GNAQ: variants seen among roughly 807,000 people sequenced by gnomAD.
GNAQ encodes the protein G protein subunit alpha q.
GNAQ carries 8 observed loss-of-function variants against 43.9 expected under a neutral mutation model. That is an observed-to-expected ratio of 0.18 (90% CI 0.11 to 0.33). GNAQ has a LOEUF of 0.33. GNAQ is among the 10% of genes least tolerant of loss of function. The pLI, the probability that GNAQ is intolerant of heterozygous loss-of-function variation, is 1.00. For missense variants in GNAQ, 158 were observed against 450.8 expected, an observed-to-expected ratio of 0.35 and a Z score of 5.88; for synonymous variants, 155 against 170.7, an observed-to-expected ratio of 0.91 and a Z score of 0.71.
chr9:77,918,143 A>C (rs1828940894), intron 2 of GNAQ, among the ~76,000 whole-genome samples: 1 of 152,176 alleles, frequency 6.6e-6, no homozygotes, highest in Non-Finnish European at 1.5e-5. Flanking sequence ...TTTCACAGCA[A>C]ACAAAACTGA....
intron 5 of GNAQ, among the ~76,000 whole-genome samples, chr9:77,773,485 G>C (rs1306614311): frequency 6.6e-6 from 1 of 152,170 alleles, no homozygotes; most frequent in Admixed American, 6.5e-5. Flanking sequence ...TTCACATTAT[G>C]AGGGAGGCAC....
chr9:77,956,021 G>A (rs560697752), intron 1 of GNAQ, among the ~76,000 whole-genome samples: 1 of 152,178 alleles, frequency 6.6e-6, no homozygotes, highest in African/African-American at 2.4e-5. Context: ...AACCCTACAT[G>A]TGAAACATTT....
At position 77,922,184 on chromosome 9, in the gene GNAQ, G is replaced by A; in HGVS notation, c.298C>T (p.Pro100Ser). The A allele has an allele frequency of 1.2e-6, 2 of 1,612,994 alleles. No individual in the cohort carries two copies. Among genetic ancestry groups the A allele is most frequent in the Non-Finnish European group, 1.7e-6 (2 of 1,179,038 alleles). The part of the protein sequence containing the change: ...MIRAMDTLKI[P>S]YKYEHNKAHA... The stretch of plus-strand genomic sequence containing the variant: ...ACCTTATTGTGCTCATACTTGTATG[G>A]GATCTTGAGTGTGTCCATGGCTCTG... The change falls in exon 2 of 7, where the codon CCA becomes TCA. Residue 100 changes from proline to serine, a missense_variant. Physicochemically the swap from Pro to Ser is moderately conservative, Grantham distance 74. Around this residue, in one of 9 missense-constraint regions of GNAQ, gnomAD observed 57 missense variants for 78.2 expected, o/e 0.73. Coordinates refer to ENST00000286548, the MANE Select transcript of GNAQ (RefSeq NM_002072.5).
intron 1 of GNAQ, among the ~76,000 whole-genome samples, chr9:78,028,871 ATAT>A (rs930785795): frequency 3.3e-5 from 5 of 151,840 alleles, no homozygotes; most frequent in African/African-American, 1.2e-4. Context: ...CATTTAGCGT[ATAT>A]TACTACAGAA....
At chr9:77,973,352 G>A (rs928349172) in intron 1 of GNAQ, among the ~76,000 whole-genome samples, 6 of 152,152 alleles carry the variant, frequency 3.9e-5, no homozygotes, top group Non-Finnish European at 5.9e-5. Context: ...ATTTTTACAC[G>A]CAGCTGGTGT....
chr9:77,814,778 T>C (rs1826985720), intron 3 of GNAQ, among the ~76,000 whole-genome samples: 1 of 152,212 alleles, frequency 6.6e-6, no homozygotes, highest in African/African-American at 2.4e-5. Context: ...CCCATTCTTC[T>C]GTCTGCCCAG....
In GNAQ at chr9:77,892,505, C is replaced by T. The variant is rs111560730; in HGVS notation, c.321+29656G>A. 5.9e-3 allele frequency among the ~76,000 whole-genome samples: 899 copies of T among 152,208 alleles called. 3 individuals are homozygous for T. Among genetic ancestry groups the T allele is most frequent in the African/African-American group, 0.02 (849 of 41,518 alleles). ...AATGCCCACTTTCATGGACAGTGTTCAGAATATATATATGATGTTCTATCT... is the reference window on the plus strand; with the variant it reads ...AATGCCCACTTTCATGGACAGTGTTTAGAATATATATATGATGTTCTATCT... On this transcript the variant is annotated intron_variant, in intron 2 of 6. Coordinates refer to ENST00000286548, the MANE Select transcript of GNAQ (RefSeq NM_002072.5).
At chr9:78,020,402 T>C (rs1187919597) in intron 1 of GNAQ, among the ~76,000 whole-genome samples, 1 of 152,190 alleles carries the variant, frequency 6.6e-6, no homozygotes, top group East Asian at 1.9e-4. Context: ...CACAGCTTCA[T>C]GAGAGTTCTA....
chr9:77,761,465 C>G (rs1170517314), intron 5 of GNAQ, among the ~76,000 whole-genome samples: 7 of 126,948 alleles, frequency 5.5e-5, no homozygotes, highest in African/African-American at 1.5e-4. Context: ...GTCAGCCCCC[C>G]GCCTGGCCAG....
At chr9:77,933,418 C>T (rs1449505567) in intron 1 of GNAQ, among the ~76,000 whole-genome samples, 1 of 152,182 alleles carries the variant, frequency 6.6e-6, no homozygotes, top group Non-Finnish European at 1.5e-5. Flanking sequence ...ATAATCCCAG[C>T]ACTTTGGGAG....
intron 5 of GNAQ, among the ~76,000 whole-genome samples, chr9:77,788,195 T>A (rs917485533): frequency 6.6e-6 from 1 of 152,242 alleles, no homozygotes; most frequent in Middle Eastern, 3.4e-3. Context: ...AGAAAACTCC[T>A]TAGGGGTTGG....
intron 3 of GNAQ, among the ~76,000 whole-genome samples, chr9:77,804,165 C>G (rs893566501): frequency 5.9e-4 from 90 of 152,094 alleles, no homozygotes; most frequent in African/African-American, 2.1e-3. Context: ...TGAATGCAAA[C>G]TGATTTTTAA....
At chr9:77,751,232 T>C (rs746068516) in intron 5 of GNAQ, among the ~76,000 whole-genome samples, 4 of 152,212 alleles carry the variant, frequency 2.6e-5, no homozygotes, top group African/African-American at 7.2e-5. Flanking sequence ...GCCTTGATTT[T>C]TGGAAGATTT....
rs370031093 is a variant in GNAQ at position 77,919,863 on chromosome 9, C to T, written c.321+2298G>A. On this transcript the variant is annotated intron_variant, in intron 2 of 6. Coordinates refer to ENST00000286548, the MANE Select transcript of GNAQ (RefSeq NM_002072.5). The stretch of plus-strand genomic sequence containing the variant: ...TACTTAATTAGAATTGACATGAGGC[C>T]GGGAGAGGTGGCTCATGCCTGTAAT... Among the ~76,000 whole-genome samples, 45 of 152,134 alleles carry T rather than the reference C, an allele frequency of 3.0e-4. No individual in the cohort carries two copies. The East Asian group carries it at 6.4e-3, about 22-fold the overall frequency.
At chr9:77,889,556 A>G (rs1828368353) in intron 2 of GNAQ, among the ~76,000 whole-genome samples, 1 of 152,004 alleles carries the variant, frequency 6.6e-6, no homozygotes. Flanking sequence ...ATTCTCAAAG[A>G]AGGATCAACT....
At chr9:77,779,623 C>A (rs1196208153) in intron 5 of GNAQ, among the ~76,000 whole-genome samples, 1 of 138,440 alleles carries the variant, frequency 7.2e-6, no homozygotes, top group Non-Finnish European at 1.5e-5. Flanking sequence ...AAAGCTGATT[C>A]TTCGAAAAGA....
intron 5 of GNAQ, among the ~76,000 whole-genome samples, chr9:77,780,346 T>C (rs539062325): frequency 6.6e-6 from 1 of 152,082 alleles, no homozygotes; most frequent in South Asian, 2.1e-4. Context: ...TTTTCACATA[T>C]AAGCATATGC....
intron 1 of GNAQ, among the ~76,000 whole-genome samples, chr9:77,964,726 A>G (rs1296562337): frequency 6.6e-6 from 1 of 152,204 alleles, no homozygotes; most frequent in Non-Finnish European, 1.5e-5. Context: ...TCAAATAGAT[A>G]TTAGAAAGTA....
chr9:77,771,229 G>A (rs1399181990), intron 5 of GNAQ, among the ~76,000 whole-genome samples: 1 of 152,154 alleles, frequency 6.6e-6, no homozygotes, highest in Non-Finnish European at 1.5e-5. Context: ...GGATGTGGGG[G>A]CCATAAGGGG....
Sources: gnomAD v4.1 joint callset for allele counts (sites outside exome capture counted in the v4.1 genomes callset) on GRCh38, gnomAD v4.1.1 for gene constraint, gnomAD v4.1.1 regional missense constraint, MANE v1.5 for transcripts, NCBI Gene and HGNC (gene_info 2026-07-23, HGNC 2026-07-21) for gene names.